The following LIN28A variants were observed in gnomAD, a reference collection of about 807,000 sequenced individuals.
The protein encoded by LIN28A is lin-28 RNA binding posttranscriptional regulator A, also known as protein lin-28 homolog A.
Under a neutral mutation model 21.1 loss-of-function variants are expected in LIN28A, and 11 were observed. That is an observed-to-expected ratio of 0.52 (90% CI 0.33 to 0.86). The LOEUF (loss-of-function observed/expected upper bound fraction) is 0.86. LIN28A is among the 40% of genes least tolerant of loss of function. LIN28A has a pLI of 0.03. For synonymous variants in LIN28A, 111 were observed against 108.7 expected (o/e 1.02, Z -0.13); for missense variants, 219 against 279.8 (o/e 0.78, Z 1.55).
At position 26,411,515 on chromosome 1, in the gene LIN28A, G is replaced by T. The variant is rs2074959302; in HGVS notation, c.161G>T (p.Gly54Val). The change falls in exon 2 of 4, where the codon GGC becomes GTC. Residue 54 changes from glycine (G) to valine (V), a missense_variant. Physicochemically the swap from Gly to Val is moderately radical, Grantham distance 109 (BLOSUM62 -3). Coordinates refer to ENST00000326279, the MANE Select transcript of LIN28A (RefSeq NM_024674.6). This position sits in a 1 kb window ranked among gnomAD's most constrained non-coding sequence, Gnocchi z 5.4. ...TGGTTCAACGTGCGCATGGGGTTCG[G>T]CTTCCTGTCCATGACCGCCCGCGCC... ...CKWFNVRMGF[G>V]FLSMTARAGV... is the part of the protein sequence containing the mutation. The T allele has an allele frequency of 1.2e-6, 2 of 1,614,032 alleles. No homozygotes were observed. The highest frequency in any genetic ancestry group is 1.3e-5 in the African/African-American group (1 of 74,942).
In LIN28A at chr1:26,411,660, G is replaced by C. The variant is rs1409058954; in HGVS notation, c.228+78G>C. ...TCCACGGGTGGGCTCCGGGCTCGCA[G>C]TTGAATTGAGGGCCATCGGGAGCCC... On this transcript the variant is annotated intron_variant, in intron 2 of 3. Transcript: ENST00000326279. The surrounding 1 kb of genome is among the most constrained non-coding windows in gnomAD (Gnocchi z 5.4). 6 of 1,445,726 alleles carry C rather than the reference G, an allele frequency of 4.2e-6. No individual in the cohort carries two copies. Among genetic ancestry groups the C allele is most frequent in the Non-Finnish European group, 5.7e-6 (6 of 1,050,070 alleles). 89.6% of individuals were successfully genotyped at this position (1,445,726 alleles called of 1,614,324 possible).
intron 2 of LIN28A, among the ~76,000 whole-genome samples, chr1:26,412,377 C>T (rs2074966075): frequency 6.6e-6 from 1 of 152,126 alleles, no homozygotes; most frequent in South Asian, 2.1e-4. Context: ...GCATTTATGG[C>T]CCCAGACAGC....
At chr1:26,417,299 C>T (rs1280187170) in intron 2 of LIN28A, among the ~76,000 whole-genome samples, 2 of 152,204 alleles carry the variant, frequency 1.3e-5, no homozygotes, top group African/African-American at 4.8e-5. Context: ...CTGCAGCCTT[C>T]TGTTCCAGAC....
intron 2 of LIN28A, among the ~76,000 whole-genome samples, chr1:26,418,122 T>G (rs903003494): frequency 2.6e-5 from 4 of 152,092 alleles, no homozygotes; most frequent in Admixed American, 6.5e-5. Flanking sequence ...AGGCATAAAT[T>G]GAAGCTGGGA....
At position 26,427,410 on chromosome 1, in the gene LIN28A, T is replaced by G. The variant is rs1166926011; in HGVS notation, c.*952T>G. ...AGCTGGCTTTTCTGCCATAGTGTCC[T>G]CTTGAAACCCCCTCTGCCTTGAAAA... On this transcript the variant is annotated 3_prime_UTR_variant, in exon 4 of 4. Transcript: ENST00000326279. 1 of 152,676 alleles carries G rather than the reference T, an allele frequency of 6.5e-6. No homozygotes were observed. The highest frequency in any genetic ancestry group is 6.5e-5 in the Admixed American group (1 of 15,288). The allele number at this position is 152,676 out of a possible 1,614,324, so 9.5% of individuals were successfully genotyped here. A position where few individuals can be genotyped will look rare whatever the true frequency, so the allele number is the denominator to read the frequency against.
chr1:26,411,063 T>C lies in LIN28A; in HGVS notation c.31+141T>C. 1.8e-6 allele frequency: 2 copies of C among 1,132,192 alleles called. No homozygotes were observed. Among genetic ancestry groups the C allele is most frequent in the Non-Finnish European group, 2.5e-6 (2 of 812,062 alleles). The allele number at this position is 1,132,192 out of a possible 1,614,324, so 70.1% of individuals were successfully genotyped here. A position where few individuals can be genotyped will look rare whatever the true frequency, so the allele number is the denominator to read the frequency against. On this transcript the variant is annotated intron_variant, in intron 1 of 3. Transcript: ENST00000326279. The surrounding 1 kb of genome is among the most constrained non-coding windows in gnomAD (Gnocchi z 5.4). ...GCCTTCTGCTTCATAGGGCCGTCTC[T>C]GGGGCCAGGAACCTTGGTGTCCCAG...
chr1:26,426,460 C>T lies in LIN28A; in HGVS notation c.*2C>T, dbSNP rs998972819. 6.2e-7 allele frequency: 1 copy of T among 1,610,856 alleles called. No homozygotes were observed. Among genetic ancestry groups the T allele is most frequent in the African/African-American group, 1.3e-5 (1 of 74,862 alleles). On this transcript the variant is annotated 3_prime_UTR_variant, in exon 4 of 4. Transcript: ENST00000326279. ...CTGCTCCCGGAGGCACAGAATTGAG[C>T]CACAATGGGTGGGGGCTATTCTTTT...
chr1:26,426,723 C>G lies in LIN28A; in HGVS notation c.*265C>G, dbSNP rs1277032482. 2.4e-6 allele frequency: 1 copy of G among 413,774 alleles called. No individual in the cohort carries two copies. Among genetic ancestry groups the G allele is most frequent in the Non-Finnish European group, 4.5e-6 (1 of 222,928 alleles). The allele number at this position is 413,774 out of a possible 1,614,324, so 25.6% of individuals were successfully genotyped here. On this transcript the variant is annotated 3_prime_UTR_variant, in exon 4 of 4. Coordinates refer to ENST00000326279, the MANE Select transcript of LIN28A (RefSeq NM_024674.6). ...ACCCTACAACCTGCATACTTTGAGT[C>G]TCCATCCCCAGAATTTCCAGCTTTT...
intron 2 of LIN28A, among the ~76,000 whole-genome samples, chr1:26,412,123 C>T (rs894182126): frequency 1.3e-5 from 2 of 152,220 alleles, no homozygotes; most frequent in Non-Finnish European, 2.9e-5. Flanking sequence ...TTGGCAGATC[C>T]CTGAAGGATC....
chr1:26,420,152 G>A lies in LIN28A; in HGVS notation c.229-5151G>A, dbSNP rs540782671. ...TTTGTATTATTTTGTAGAGAACAGG[G>A]TTTCGCCCTGTTGCCCAGGCTGGTC... is the stretch of plus-strand genomic sequence containing the variant. On this transcript the variant is annotated intron_variant, in intron 2 of 3. Coordinates refer to ENST00000326279, the MANE Select transcript of LIN28A (RefSeq NM_024674.6). 1.1e-4 allele frequency among the ~76,000 whole-genome samples: 17 copies of A among 151,984 alleles called. No homozygotes were observed. In the South Asian group the frequency reaches 3.3e-3, roughly 30 times the overall value.
intron 2 of LIN28A, among the ~76,000 whole-genome samples, chr1:26,416,644 ATC>A (rs950889837): frequency 3.3e-5 from 5 of 150,886 alleles, no homozygotes; most frequent in African/African-American, 9.8e-5. Flanking sequence ...TTGAGACGGA[ATC>A]TCTCTCTGTT....
rs2074954621 is a variant in LIN28A at position 26,411,011 on chromosome 1, C to T, written c.31+89C>T. 1 of 1,504,546 alleles carries T rather than the reference C, an allele frequency of 6.6e-7. No homozygotes were observed. Among genetic ancestry groups the T allele is most frequent in the Non-Finnish European group, 9.0e-7 (1 of 1,115,728 alleles). 93.2% of individuals were successfully genotyped at this position (1,504,546 alleles called of 1,614,324 possible). A position where few individuals can be genotyped will look rare whatever the true frequency, so the allele number is the denominator to read the frequency against. On this transcript the variant is annotated intron_variant, in intron 1 of 3. Transcript: ENST00000326279. This position sits in a 1 kb window ranked among gnomAD's most constrained non-coding sequence, Gnocchi z 5.4. ...GGGAGGTGGGGAACTGAGTCCTAGG[C>T]TGCCCAAAGGACCCCAAGACGGTGC...
At chr1:26,415,661 C>T (rs1026247562) in intron 2 of LIN28A, among the ~76,000 whole-genome samples, 27 of 151,638 alleles carry the variant, frequency 1.8e-4, no homozygotes, top group African/African-American at 6.3e-4. Flanking sequence ...TGAGGGGTGT[C>T]AATTGTAGCT....
At chr1:26,423,413 C>CTT (rs1202952934) in intron 2 of LIN28A, among the ~76,000 whole-genome samples, 9,289 of 78,222 alleles carry the variant, frequency 0.12, 1,213 homozygotes, top group East Asian at 0.44. Context: ...TTTTCTTTTT[C>CTT]TTTTTTTTTT....
At chr1:26,414,489 T>C (rs1157126043) in intron 2 of LIN28A, among the ~76,000 whole-genome samples, 3 of 152,164 alleles carry the variant, frequency 2.0e-5, no homozygotes, top group African/African-American at 4.8e-5. Flanking sequence ...TCCCAAATGC[T>C]GTAATATCCT....
intron 2 of LIN28A, among the ~76,000 whole-genome samples, chr1:26,420,298 T>C (rs1365204839): frequency 6.6e-6 from 1 of 152,064 alleles, no homozygotes; most frequent in Non-Finnish European, 1.5e-5. Context: ...GGGTGGTTAC[T>C]GTGAAACAGC....
intron 2 of LIN28A, among the ~76,000 whole-genome samples, chr1:26,419,879 G>A (rs1408763802): frequency 6.6e-6 from 1 of 152,068 alleles, no homozygotes; most frequent in Non-Finnish European, 1.5e-5. Flanking sequence ...TCTTGGTCTG[G>A]CTCCTCTAGG....
chr1:26,425,468 C>A lies in LIN28A; in HGVS notation c.394C>A (p.Arg132Ser). Residue 132 changes from arginine (R) to serine (S), a missense_variant, in exon 3 of 4, where the codon CGC (arginine) becomes AGC (serine). Physicochemically the swap from Arg to Ser is moderately radical, Grantham distance 110. Transcript: ENST00000326279. ...GCCAAAAGGAAAGAGCATGCAGAAG[C>A]GCAGATCAAAAGGAGACAGGTATGG... ...RRPKGKSMQKRRSKGDRCYNC... is the reference protein window; with the variant it reads ...RRPKGKSMQKSRSKGDRCYNC... 6.2e-7 allele frequency: 1 copy of A among 1,613,920 alleles called. No homozygotes were observed.
intron 2 of LIN28A, among the ~76,000 whole-genome samples, chr1:26,424,826 T>C (rs1355093957): frequency 6.6e-6 from 1 of 151,782 alleles, no homozygotes; most frequent in Non-Finnish European, 1.5e-5. Flanking sequence ...ACTGCAACCT[T>C]TGCTTCCTGG....
Sources: gnomAD v4.1 joint callset for allele counts (sites outside exome capture counted in the v4.1 genomes callset) on GRCh38, gnomAD v4.1.1 for gene constraint, Gnocchi (gnomAD v3.1) non-coding constraint, MANE v1.5 for transcripts, NCBI Gene and HGNC (gene_info 2026-07-23, HGNC 2026-07-21) for gene names.